Variants in NRCAM observed in about 807,000 individuals in gnomAD.
NRCAM encodes NgCAM-related cell adhesion molecule.
NRCAM carries 83 observed loss-of-function variants against 156.5 expected under a neutral mutation model. That is an observed-to-expected ratio of 0.53 (90% confidence interval 0.44 to 0.64). NRCAM has a LOEUF of 0.64. Ranked by LOEUF, NRCAM falls within the 30% of genes least tolerant of loss-of-function variation. The pLI, the probability that NRCAM is intolerant of heterozygous loss-of-function variation, is 0.00. For missense variants in NRCAM, 1,417 were observed against 1,597.3 expected (o/e 0.89, Z 1.92); for synonymous variants, 538 against 563.9 (o/e 0.95, Z 0.65).
intron 1 of NRCAM, among the ~76,000 whole-genome samples, chr7:108,435,326 G>C (rs1047920905): frequency 6.6e-6 from 1 of 152,070 alleles, no homozygotes; most frequent in African/African-American, 2.4e-5. Context: ...TAGTGAACTA[G>C]AAAACAGATC....
intron 2 of NRCAM, among the ~76,000 whole-genome samples, chr7:108,322,130 A>G (rs557578247): frequency 6.6e-6 from 1 of 152,254 alleles, no homozygotes; most frequent in East Asian, 1.9e-4. Context: ...ACTTTCAAAC[A>G]GTTGGATAAA....
intron 32 of NRCAM, among the ~76,000 whole-genome samples, chr7:108,153,278 C>A (rs1257816031): frequency 6.6e-6 from 1 of 151,950 alleles, no homozygotes; most frequent in African/African-American, 2.4e-5. Context: ...TCCAAGAATG[C>A]AGGCTTATTT....
rs566488597 is a variant in NRCAM, at chr7:108,148,975, A to G, written c.*935T>C. 7.9e-5 allele frequency: 12 copies of G among 152,602 alleles called. No individual in the cohort carries two copies. Among genetic ancestry groups the G allele is most frequent in the Non-Finnish European group, 1.6e-4 (11 of 68,020 alleles). 9.5% of individuals were successfully genotyped at this position (152,602 alleles called of 1,614,324 possible). A position where few individuals can be genotyped will look rare whatever the true frequency, so the allele number is the denominator to read the frequency against. Reference sequence around the variant, plus strand: ...GCAGTTTTCATGAACTCTGCTTTTTAAAAGTTACTTTTAGACAATGACAGT... The same window carrying G: ...GCAGTTTTCATGAACTCTGCTTTTTGAAAGTTACTTTTAGACAATGACAGT... On this transcript the variant is annotated 3_prime_UTR_variant, in exon 33 of 33. Coordinates refer to ENST00000379028, the MANE Select transcript of NRCAM (RefSeq NM_001037132.4).
At chr7:108,213,161 G>T (rs1453261074) in intron 11 of NRCAM, among the ~76,000 whole-genome samples, 1 of 152,118 alleles carries the variant, frequency 6.6e-6, no homozygotes, top group African/African-American at 2.4e-5. Context: ...CATATTTGAA[G>T]GAAAGATACA....
intron 32 of NRCAM, chr7:108,156,503 C>T: frequency 1.2e-6 from 1 of 803,318 alleles, no homozygotes; most frequent in African/African-American, 1.9e-5. Context: ...CAGAGGGTAA[C>T]TGCTTGGGGG....
At chr7:108,244,496 C>T (rs2095770976) in intron 3 of NRCAM, among the ~76,000 whole-genome samples, 1 of 152,156 alleles carries the variant, frequency 6.6e-6, no homozygotes. Flanking sequence ...CCATGCTGTG[C>T]TTTTCAATCA....
chr7:108,163,064 G>A (rs1007300587), intron 30 of NRCAM, among the ~76,000 whole-genome samples: 1 of 151,726 alleles, frequency 6.6e-6, no homozygotes, highest in East Asian at 1.9e-4. Context: ...TTAAACCTAT[G>A]GGAGTTTTCC....
intron 8 of NRCAM, among the ~76,000 whole-genome samples, chr7:108,227,949 A>G (rs2093737311): frequency 6.6e-6 from 1 of 152,166 alleles, no homozygotes; most frequent in Admixed American, 6.5e-5. Context: ...TAATCAAATT[A>G]TTGGTTAAGA....
At chr7:108,152,035 A>G (rs1039007937) in intron 32 of NRCAM, among the ~76,000 whole-genome samples, 3 of 152,194 alleles carry the variant, frequency 2.0e-5, no homozygotes, top group Admixed American at 1.3e-4. Flanking sequence ...CACTGGGAAT[A>G]TAGCAGCAAA....
chr7:108,212,283 C>T (rs1005765530), intron 11 of NRCAM, among the ~76,000 whole-genome samples: 1 of 152,278 alleles, frequency 6.6e-6, no homozygotes, highest in East Asian at 1.9e-4. Flanking sequence ...ACAGAATCTA[C>T]CCAAATGAGA....
At chr7:108,276,398 T>C (rs2097612760) in intron 3 of NRCAM, among the ~76,000 whole-genome samples, 1 of 152,252 alleles carries the variant, frequency 6.6e-6, no homozygotes, top group Non-Finnish European at 1.5e-5. Context: ...AAGAACTTGC[T>C]TTATGAATCT....
At chr7:108,313,837 T>C (rs779385668) in intron 2 of NRCAM, among the ~76,000 whole-genome samples, 1 of 152,176 alleles carries the variant, frequency 6.6e-6, no homozygotes, top group Non-Finnish European at 1.5e-5. Flanking sequence ...AGAGCATCTA[T>C]AAGAATTTTA....
intron 32 of NRCAM, among the ~76,000 whole-genome samples, chr7:108,154,565 G>T (rs1248595047): frequency 6.6e-6 from 1 of 152,112 alleles, no homozygotes; most frequent in Admixed American, 6.5e-5. Context: ...CAGCAACACG[G>T]GCTGTGCTTG....
chr7:108,252,473 T>C (rs570494391), intron 3 of NRCAM, among the ~76,000 whole-genome samples: 1 of 152,362 alleles, frequency 6.6e-6, no homozygotes, highest in Non-Finnish European at 1.5e-5. Context: ...AGAAAACAGT[T>C]TTTATTTTTT....
intron 2 of NRCAM, among the ~76,000 whole-genome samples, chr7:108,344,531 G>A (rs1485138028): frequency 6.6e-6 from 1 of 151,910 alleles, no homozygotes; most frequent in East Asian, 1.9e-4. Flanking sequence ...ATGAAAAACT[G>A]GTTAACACGT....
intron 2 of NRCAM, among the ~76,000 whole-genome samples, chr7:108,393,526 G>A (rs375584532): frequency 6.0e-4 from 92 of 152,264 alleles, no homozygotes; most frequent in African/African-American, 1.9e-3. Flanking sequence ...GACCCCTTGC[G>A]CTTCCCAGGT....
At chr7:108,154,901 G>C (rs1342561870) in intron 32 of NRCAM, among the ~76,000 whole-genome samples, 1 of 151,882 alleles carries the variant, frequency 6.6e-6, no homozygotes, top group East Asian at 1.9e-4. Context: ...GTAGTGAGTG[G>C]TTATGACTCT....
intron 3 of NRCAM, among the ~76,000 whole-genome samples, chr7:108,250,403 G>A (rs947557523): frequency 1.5e-5 from 2 of 129,620 alleles, no homozygotes; most frequent in Non-Finnish European, 3.1e-5. Flanking sequence ...TCCAGTCTGG[G>A]CAACAGAGCC....
rs536470131 is a variant in NRCAM at position 108,448,593 on chromosome 7, CTTA to C, written c.-332+7647_-332+7649del. ...TTACCCAAAATTGCTTTTTATTTCA[CTTA>C]TTATAATACATTCTAGTACCCTCTA... On this transcript the variant is annotated intron_variant, in intron 1 of 32. Transcript: ENST00000379028. Among the ~76,000 whole-genome samples, 1,189 of 152,270 alleles carry C rather than the reference CTTA, an allele frequency of 7.8e-3. 15 individuals carry two copies. Among genetic ancestry groups the C allele is most frequent in the African/African-American group, 0.027 (1,123 of 41,554 alleles).
Sources: allele counts gnomAD v4.1 joint callset (sites outside exome capture counted in the v4.1 genomes callset), GRCh38; gene constraint gnomAD v4.1.1; transcripts MANE v1.5; gene names NCBI Gene and HGNC (gene_info 2026-07-23, HGNC 2026-07-21).